XRN1: variants seen among roughly 807,000 people sequenced by gnomAD.
XRN1 encodes 5'-3' exoribonuclease 1, also known as strand-exchange protein 1 homolog.
In XRN1, 67 loss-of-function variants were observed where a neutral mutation model predicts 222.3. That is an observed-to-expected ratio of 0.30 (90% CI 0.25 to 0.37). The LOEUF (loss-of-function observed/expected upper bound fraction) is 0.37, where lower values mean the gene tolerates loss of function less well. Among genes scored for constraint, XRN1 ranks in the 10% least tolerant of loss-of-function variants. XRN1 has a pLI of 1.00. For synonymous variants in XRN1, 643 were observed against 652.4 expected (o/e 0.99, Z 0.22); for missense variants, 1,707 against 2,000.2 (o/e 0.85, Z 2.80).
intron 1 of XRN1, among the ~76,000 whole-genome samples, chr3:142,438,326 C>T (rs573199869): frequency 6.8e-6 from 1 of 147,736 alleles, no homozygotes; most frequent in South Asian, 2.2e-4. Context: ...CAATTTTGGG[C>T]ACGCTGGTAA....
chr3:142,417,300 G>C (rs2068825917), intron 12 of XRN1, 71 bp from the exon 13 acceptor site: 2 of 1,211,198 alleles, frequency 1.7e-6, no homozygotes, highest in Non-Finnish European at 2.4e-6. Context: ...CACGGTATCT[G>C]CTGATACAAC....
Position 142,414,146 on chromosome 3 carries a change from C to A in XRN1, c.1582G>T (p.Ala528Ser). Reference protein sequence around the residue: ...LPAASKNLLPACYQHLMTNED... With the variant: ...LPAASKNLLPSCYQHLMTNED... ...ATTCTAAGACCCACCTGGTAGCATG[C>A]AGGAAGTAAATTTTTGCTGGCTGCT... Residue 528 changes from alanine (A) to serine (S), a missense_variant, in exon 14 of 41, where the codon GCA (alanine) becomes TCA (serine). By Grantham distance (99) the Ala-to-Ser change is moderately conservative (BLOSUM62 1). Around this residue, in one of 2 missense-constraint regions of XRN1, gnomAD observed 1,234 missense variants for 1,518.2 expected, o/e 0.81. Coordinates refer to ENST00000392981, the MANE Select transcript of XRN1 (RefSeq NM_001282857.2). The A allele has an allele frequency of 1.2e-6, 2 of 1,611,966 alleles. No homozygotes were observed. The highest frequency in any genetic ancestry group is 1.7e-6 in the Non-Finnish European group (2 of 1,179,054).
chr3:142,329,234 C>T (rs1028203649), intron 37 of XRN1, among the ~76,000 whole-genome samples, 200 bp downstream of exon 37: 14 of 152,034 alleles, frequency 9.2e-5, no homozygotes, highest in African/African-American at 3.4e-4. Flanking sequence ...TACCTGCTGC[C>T]CAGTTCCTCC....
At chr3:142,396,706 C>CT (rs2067947113) in intron 20 of XRN1, among the ~76,000 whole-genome samples, 1 of 152,132 alleles carries the variant, frequency 6.6e-6, no homozygotes, top group Non-Finnish European at 1.5e-5. Context: ...GATAGGAAGG[C>CT]TGATGGTATA....
At chr3:142,315,469 C>A (rs2065188296) in intron 39 of XRN1, among the ~76,000 whole-genome samples, 1 of 151,306 alleles carries the variant, frequency 6.6e-6, no homozygotes, top group African/African-American at 2.4e-5. Flanking sequence ...TAAAAAAAAT[C>A]AAAATACTAC....
In XRN1 at chr3:142,363,572, TCTAGCTTTGTAAAGTTTAC is replaced by T. The variant is rs2107857319; in HGVS notation, c.3394+1456_3394+1474del. On this transcript the variant is annotated intron_variant, in intron 29 of 40. Coordinates refer to ENST00000392981, the MANE Select transcript of XRN1 (RefSeq NM_001282857.2). ...TTTTACTCTAGTTTGTAAAGTTTAC[TCTAGCTTTGTAAAGTTTAC>T]TCTAGCTTTGTAAAGTTTACTCTAG... 6.2e-5 allele frequency among the ~76,000 whole-genome samples: 9 copies of T among 144,762 alleles called. No homozygotes were observed. The South Asian group carries it at 1.7e-3, about 28-fold the overall frequency. The allele number at this position is 144,762 out of a possible 152,430, so 95.0% of individuals were successfully genotyped here.
chr3:142,429,354 T>G (rs978442364), intron 2 of XRN1, among the ~76,000 whole-genome samples: 3 of 151,970 alleles, frequency 2.0e-5, no homozygotes, highest in Admixed American at 2.0e-4. Context: ...TTCACCACCT[T>G]GGCTAGGCTG....
intron 15 of XRN1, among the ~76,000 whole-genome samples, chr3:142,405,667 C>T (rs1290662976): frequency 6.6e-6 from 1 of 151,966 alleles, no homozygotes; most frequent in Non-Finnish European, 1.5e-5. Flanking sequence ...CTACAAGAGA[C>T]CCACAGACCA....
Position 142,423,497 on chromosome 3 carries a change from C to T in XRN1, c.710+63G>A, listed in dbSNP as rs1017642656. 6.8e-6 allele frequency: 9 copies of T among 1,325,778 alleles called. No individual in the cohort carries two copies. The African/African-American group carries it at 9.0e-5, about 13-fold the overall frequency. The allele number at this position is 1,325,778 out of a possible 1,614,324, so 82.1% of individuals were successfully genotyped here. A position where few individuals can be genotyped will look rare whatever the true frequency, so the allele number is the denominator to read the frequency against. The stretch of plus-strand genomic sequence containing the variant: ...AGATAAAGTATTTACAAACATGTAT[C>T]TGTTAAAGAATTACTATCCAGGCGT... On this transcript the variant is annotated intron_variant, in intron 6 of 40. Transcript: ENST00000392981.
rs541160232 is a variant in XRN1 at position 142,311,593 on chromosome 3, T to C, written c.5003A>G (p.His1668Arg). 26 of 1,614,144 alleles carry C rather than the reference T, an allele frequency of 1.6e-5. No homozygotes were observed. Among genetic ancestry groups the C allele is most frequent in the African/African-American group, 1.3e-4 (10 of 75,052 alleles). ...TASQGHSISH[H>R]KSTPISSSRR... is the part of the protein sequence containing the mutation. ...TGAAGAAGAGATTGGTGTTGACTTA[T>C]GGTGAGATATACTATGGCCTTGAGA... is the stretch of plus-strand genomic sequence containing the variant. Residue 1668 changes from histidine to arginine, a missense_variant, in exon 41 of 41, where the codon CAT becomes CGT. His to Arg is a conservative substitution (Grantham distance 29). This residue lies in a region of XRN1 where 473 missense variants were observed against 482.0 expected (regional missense o/e 0.98). Coordinates refer to ENST00000392981, the MANE Select transcript of XRN1 (RefSeq NM_001282857.2).
chr3:142,339,751 CG>C (rs2065939728), intron 33 of XRN1, among the ~76,000 whole-genome samples: 1 of 151,472 alleles, frequency 6.6e-6, no homozygotes, highest in Admixed American at 6.6e-5. Flanking sequence ...TGCAGTGAGA[CG>C]TAATAGTACC....
Position 142,421,043 on chromosome 3 carries a change from C to A in XRN1, c.1146G>T (p.Arg382Ser), listed in dbSNP as rs1345641750. 1 of 1,613,974 alleles carries A rather than the reference C, an allele frequency of 6.2e-7. No individual in the cohort carries two copies. ...TTAACTTTTTCTTTTCCTTGTAGTT[C>A]CTGGCTTCTTCTGCTGCGACACCTG... ...EAAGVAAEEA[R>S]NYKEKKKLKG... is the part of the protein sequence containing the mutation. The change falls in exon 10 of 41, where the codon AGG becomes AGT. Residue 382 changes from arginine to serine, a missense_variant. Around this residue, in one of 2 missense-constraint regions of XRN1, gnomAD observed 1,234 missense variants for 1,518.2 expected, o/e 0.81. Transcript: ENST00000392981.
At chr3:142,423,724 C>A (rs1324525552) in intron 5 of XRN1, 82 bp from the exon 6 acceptor site, 2 of 1,040,134 alleles carry the variant, frequency 1.9e-6, no homozygotes, top group South Asian at 1.9e-5. Flanking sequence ...AAAAACAATT[C>A]TATACAAGGA....
chr3:142,420,748 T>C (rs1003567189), intron 10 of XRN1, among the ~76,000 whole-genome samples: 11 of 152,160 alleles, frequency 7.2e-5, no homozygotes, highest in African/African-American at 2.2e-4. Flanking sequence ...TCTGGGCTTT[T>C]ATGTTTAGAA....
At position 142,417,203 on chromosome 3, in the gene XRN1, C is replaced by T; in HGVS notation, c.1373G>A (p.Cys458Tyr). 6 of 1,613,648 alleles carry T rather than the reference C, an allele frequency of 3.7e-6. No individual in the cohort carries two copies. Among genetic ancestry groups the T allele is most frequent in the Non-Finnish European group, 5.1e-6 (6 of 1,179,812 alleles). Residue 458 changes from cysteine to tyrosine, a missense_variant, in exon 13 of 41, where the codon TGT becomes TAT. Around this residue, in one of 2 missense-constraint regions of XRN1, gnomAD observed 1,234 missense variants for 1,518.2 expected, o/e 0.81. Transcript: ENST00000392981. ...SDDFLADQAA[C>Y]YVQAIQWILH... The stretch of plus-strand genomic sequence containing the variant: ...AATCCACTGTATTGCCTGAACATAA[C>T]ATGCAGCTTGATCAGCCAGAAAGTC...
At chr3:142,334,538 A>G (rs1203804939) in intron 34 of XRN1, among the ~76,000 whole-genome samples, 1 of 151,962 alleles carries the variant, frequency 6.6e-6, no homozygotes, top group Non-Finnish European at 1.5e-5. Flanking sequence ...TAAAACATAA[A>G]TGATCTTGGC....
intron 37 of XRN1, among the ~76,000 whole-genome samples, chr3:142,321,530 A>C (rs2065356199): frequency 6.6e-6 from 1 of 152,130 alleles, no homozygotes; most frequent in Admixed American, 6.6e-5. Context: ...TTTTGATAGG[A>C]GGTGCACTGA....
At chr3:142,434,506 T>A (rs1328195605) in intron 1 of XRN1, among the ~76,000 whole-genome samples, 1 of 141,886 alleles carries the variant, frequency 7.0e-6, no homozygotes, top group Non-Finnish European at 1.5e-5. Flanking sequence ...TTTTTTTTTT[T>A]ACACTTTTTT....
At position 142,441,551 on chromosome 3, in the gene XRN1, T is replaced by C. The variant is rs141278621; in HGVS notation, c.75+6319A>G. Reference sequence around the variant, plus strand: ...TGTAGTGGCAAAGGGTTGGCTTCATTGTTTATAGGTAGTGGCTGCAGTTGC... The same window carrying C: ...TGTAGTGGCAAAGGGTTGGCTTCATCGTTTATAGGTAGTGGCTGCAGTTGC... On this transcript the variant is annotated intron_variant, in intron 1 of 40. Coordinates refer to ENST00000392981, the MANE Select transcript of XRN1 (RefSeq NM_001282857.2). 7.4e-3 allele frequency among the ~76,000 whole-genome samples: 1,126 copies of C among 152,300 alleles called. 6 individuals carry two copies. Among genetic ancestry groups the C allele is most frequent in the Non-Finnish European group, 0.012 (811 of 68,024 alleles).
Sources: gnomAD v4.1 joint callset for allele counts (sites outside exome capture counted in the v4.1 genomes callset) on GRCh38, gnomAD v4.1.1 for gene constraint, gnomAD v4.1.1 regional missense constraint, MANE v1.5 for transcripts, NCBI Gene and HGNC (gene_info 2026-07-23, HGNC 2026-07-21) for gene names.